NUP214: variants seen among roughly 807,000 people sequenced by gnomAD.
The protein encoded by NUP214 is nucleoporin 214.
NUP214 carries 79 observed loss-of-function variants against 196.2 expected under a neutral mutation model. The ratio of observed to expected loss-of-function variants is 0.40; its 90% CI spans 0.34 to 0.49. NUP214 has a LOEUF of 0.49. Among genes scored for constraint, NUP214 ranks in the 20% least tolerant of loss-of-function variants. The pLI, the probability that NUP214 is intolerant of heterozygous loss-of-function variation, is 0.58. For synonymous variants in NUP214, 1,020 were observed against 990.5 expected (o/e 1.03, Z -0.56); for missense variants, 2,468 against 2,539.0 (o/e 0.97, Z 0.60).
At chr9:131,131,752 C>T (rs1017122547) in intron 5 of NUP214, among the ~76,000 whole-genome samples, 8 of 151,782 alleles carry the variant, frequency 5.3e-5, no homozygotes, top group African/African-American at 1.5e-4. Flanking sequence ...GGTGTGATAA[C>T]GTAATGGTTC....
intron 32 of NUP214, among the ~76,000 whole-genome samples, chr9:131,224,309 T>TC (rs1318175741): frequency 6.6e-6 from 1 of 152,030 alleles, no homozygotes; most frequent in Admixed American, 6.5e-5. Flanking sequence ...GTCATCTGCC[T>TC]CTCCACCCTG....
chr9:131,175,394 C>T, intron 22 of NUP214, 66 bp from the exon 23 acceptor site: 2 of 1,559,478 alleles, frequency 1.3e-6, no homozygotes, highest in Non-Finnish European at 1.8e-6. Flanking sequence ...AAGAATTTAC[C>T]AATTTAACCT....
chr9:131,177,778 C>G (rs1283862453), intron 23 of NUP214, among the ~76,000 whole-genome samples: 1 of 152,146 alleles, frequency 6.6e-6, no homozygotes, highest in African/African-American at 2.4e-5. Context: ...AGTCTCTTCT[C>G]CCATTATTGT....
rs2133514619 is a variant in NUP214, at chr9:131,150,670, T to C, written c.2182T>C (p.Cys728Arg). 4 of 1,614,202 alleles carry C rather than the reference T, an allele frequency of 2.5e-6. No homozygotes were observed. The South Asian group carries it at 4.4e-5, about 18-fold the overall frequency. The change falls in exon 16 of 36, where the codon TGT becomes CGT. Residue 728 changes from cysteine (C) to arginine (R), a missense_variant. Cys to Arg is a radical substitution (Grantham distance 180). Around this residue, in one of 5 missense-constraint regions of NUP214, gnomAD observed 1,801 missense variants for 1,779.4 expected, o/e 1.01. Coordinates refer to ENST00000359428, the MANE Select transcript of NUP214 (RefSeq NM_005085.4). ...GTTAAAAGCCCGAACTTCCAAAGCC[T>C]GTTTCCAAGTGGGCACTTCTGAGGA... ...EELKARTSKA[C>R]FQVGTSEEMK...
chr9:131,170,961 C>T (rs1329641930), intron 21 of NUP214, among the ~76,000 whole-genome samples: 2 of 152,132 alleles, frequency 1.3e-5, no homozygotes, highest in Admixed American at 1.3e-4. Context: ...GATCATATGA[C>T]TTTCTATCCT....
Position 131,197,757 on chromosome 9 carries a change from C to T in NUP214, c.4263C>T (p.Ser1421=). ...FGSLPVTSAG[S]SGVISFGGTS... is the part of the protein sequence containing the mutation. Reference sequence around the variant, plus strand: ...GTCTGCCAGTCACCAGTGCAGGATCCTCTGGGGTCATCAGTTTTGGTGGGA... The same window carrying T: ...GTCTGCCAGTCACCAGTGCAGGATCTTCTGGGGTCATCAGTTTTGGTGGGA... The change falls in exon 29 of 36, where the codon TCC becomes TCT. Residue 1421 remains serine (S), a synonymous_variant. Transcript: ENST00000359428. 2 of 1,614,220 alleles carry T rather than the reference C, an allele frequency of 1.2e-6. No homozygotes were observed. The highest frequency in any genetic ancestry group is 1.7e-6 in the Non-Finnish European group (2 of 1,180,044).
intron 18 of NUP214, among the ~76,000 whole-genome samples, chr9:131,161,361 G>A (rs1452874756): frequency 1.3e-5 from 2 of 151,526 alleles, no homozygotes; most frequent in Non-Finnish European, 2.9e-5. Flanking sequence ...GGGTTCAGGC[G>A]ATTCTCCTGC....
intron 19 of NUP214, 54 bp from the exon 20 acceptor site, chr9:131,163,816 G>GCCT: frequency 7.4e-7 from 1 of 1,342,660 alleles, no homozygotes; most frequent in South Asian, 1.2e-5. Context: ...ACCCCCGACA[G>GCCT]CCTCCGATCT....
At chr9:131,184,007 C>G (rs369355517) in intron 24 of NUP214, among the ~76,000 whole-genome samples, 3 of 129,954 alleles carry the variant, frequency 2.3e-5, no homozygotes, top group Non-Finnish European at 5.1e-5. Context: ...TTTTTCTTTT[C>G]TTTTTCTTTT....
intron 33 of NUP214, chr9:131,229,851 G>C: frequency 2.1e-6 from 1 of 472,844 alleles, no homozygotes; most frequent in Non-Finnish European, 4.2e-6. Flanking sequence ...GGAAGGCAGA[G>C]TTTTAGATAC....
intron 33 of NUP214, chr9:131,230,033 T>C: frequency 3.3e-6 from 1 of 306,962 alleles, no homozygotes; most frequent in South Asian, 2.5e-5. Context: ...AGTGCCACCT[T>C]GTGTGCTGGA....
In NUP214 at chr9:131,233,635, C is replaced by T. The variant is rs1002199887; in HGVS notation, c.*148C>T. ...ACAACAGAAACCAAAACTCACAAGG[C>T]GCATGATTACTTGTTTTATATTTCA... On this transcript the variant is annotated 3_prime_UTR_variant, in exon 36 of 36. Transcript: ENST00000359428. 1.1e-5 allele frequency: 9 copies of T among 797,384 alleles called. No homozygotes were observed. The highest frequency in any genetic ancestry group is 3.4e-5 in the African/African-American group (2 of 58,842). 49.4% of individuals were successfully genotyped at this position (797,384 alleles called of 1,614,324 possible).
intron 21 of NUP214, among the ~76,000 whole-genome samples, chr9:131,170,211 A>G (rs898756256): frequency 5.3e-5 from 8 of 152,172 alleles, no homozygotes; most frequent in Non-Finnish European, 7.3e-5. Flanking sequence ...AAAAGAAGGG[A>G]GGCAGGAGAA....
At chr9:131,183,630 G>T (rs1833354207) in intron 24 of NUP214, among the ~76,000 whole-genome samples, 1 of 152,148 alleles carries the variant, frequency 6.6e-6, no homozygotes, top group African/African-American at 2.4e-5. Context: ...ACAGGGTAAA[G>T]AATTCTAGAT....
At chr9:131,141,417 A>G (rs1398454222) in intron 11 of NUP214, among the ~76,000 whole-genome samples, 1 of 152,128 alleles carries the variant, frequency 6.6e-6, no homozygotes, top group African/African-American at 2.4e-5. Context: ...GCACACATAT[A>G]AATACTAGTC....
chr9:131,148,173 T>TG (rs1170523060), intron 14 of NUP214, among the ~76,000 whole-genome samples: 6 of 144,020 alleles, frequency 4.2e-5, no homozygotes, highest in Non-Finnish European at 7.7e-5. Flanking sequence ...TCACTACTCT[T>TG]GCCAAAGAGT....
At chr9:131,179,619 A>AT (rs1203428197) in intron 24 of NUP214, among the ~76,000 whole-genome samples, 1 of 152,158 alleles carries the variant, frequency 6.6e-6, no homozygotes, top group Non-Finnish European at 1.5e-5. Flanking sequence ...ACCCTCTGCC[A>AT]TTGCACAGAG....
rs373957007 is a variant in NUP214 at position 131,135,958 on chromosome 9, A to G, written c.957A>G (p.Ala319=). ...CTTTAAGGGATTTAGTGCTGGCAGC[A>G]TCTGCGGCTTCAACAGAAGTTAGTA... ...YIEEWDLVLA[A]SAASTEVSIL... The change falls in exon 9 of 36, where the codon GCA becomes GCG. Residue 319 remains alanine (A), a synonymous_variant. Coordinates refer to ENST00000359428, the MANE Select transcript of NUP214 (RefSeq NM_005085.4). 6.2e-7 allele frequency: 1 copy of G among 1,613,974 alleles called. No individual in the cohort carries two copies. The highest frequency in any genetic ancestry group is 8.5e-7 in the Non-Finnish European group (1 of 1,179,808).
intron 30 of NUP214, among the ~76,000 whole-genome samples, chr9:131,211,671 A>G (rs766350802): frequency 1.3e-4 from 20 of 152,192 alleles, no homozygotes; most frequent in East Asian, 3.8e-4. Context: ...CTTTACTACA[A>G]TCTCTGAACA....
Sources: allele counts gnomAD v4.1 joint callset (sites outside exome capture counted in the v4.1 genomes callset), GRCh38; gene constraint gnomAD v4.1.1; regional missense constraint gnomAD v4.1.1; transcripts MANE v1.5; gene names NCBI Gene and HGNC (gene_info 2026-07-23, HGNC 2026-07-21).